Variants in AACS observed in about 807,000 individuals in gnomAD.
The protein encoded by AACS is acetoacetate-CoA ligase.
In AACS, 69 loss-of-function variants were observed where a neutral mutation model predicts 83.1. The observed-to-expected ratio is 0.83, with a 90% confidence interval of 0.68 to 1.01. The LOEUF (loss-of-function observed/expected upper bound fraction) is 1.01, where lower values mean the gene tolerates loss of function less well. Ranked by LOEUF, AACS falls within the 50% of genes least tolerant of loss-of-function variation. The pLI, the probability that AACS is intolerant of heterozygous loss-of-function variation, is 0.00. For synonymous variants in AACS, 333 were observed against 343.4 expected (o/e 0.97, Z 0.33); for missense variants, 866 against 882.2 (o/e 0.98, Z 0.23).
intron 14 of AACS, among the ~76,000 whole-genome samples, chr12:125,131,875 G>A (rs1290568589): frequency 6.6e-6 from 1 of 152,246 alleles, no homozygotes; most frequent in African/African-American, 2.4e-5. Flanking sequence ...GGGATTACAG[G>A]CGTGAGCCAC....
At chr12:125,066,829 G>A (rs752890722) in intron 1 of AACS, among the ~76,000 whole-genome samples, 4 of 151,986 alleles carry the variant, frequency 2.6e-5, no homozygotes, top group East Asian at 1.9e-4. Flanking sequence ...TGTTGGTGGC[G>A]TCACTGTTCT....
At chr12:125,108,545 A>G (rs12310211) in intron 8 of AACS, among the ~76,000 whole-genome samples, 3,200 of 152,328 alleles carry the variant, frequency 0.021, 111 homozygotes, top group African/African-American at 0.072. Context: ...CCCATGACAC[A>G]TGCTTTTAAT....
rs778110338 is a variant in AACS, at chr12:125,091,661, A to G, written c.570+138A>G. The G allele has an allele frequency of 7.2e-5, 59 of 817,498 alleles. 1 individual carries two copies. The highest frequency in any genetic ancestry group is 2.7e-4 in the East Asian group (10 of 37,526). 50.6% of individuals were successfully genotyped at this position (817,498 alleles called of 1,614,324 possible). On this transcript the variant is annotated intron_variant, in intron 5 of 17. Coordinates refer to ENST00000316519, the MANE Select transcript of AACS (RefSeq NM_023928.5). ...AGGAGGTGGCGTTGCAGCTGCCTCT[A>G]TGGGGAAAGAAGCCAGAAGGACTTG...
At chr12:125,098,768 C>T (rs984426909) in intron 5 of AACS, among the ~76,000 whole-genome samples, 1 of 152,216 alleles carries the variant, frequency 6.6e-6, no homozygotes, top group Admixed American at 6.5e-5. Context: ...CCTTTTCAAA[C>T]TGTATTGCTG....
rs554060904 is a variant in AACS, at chr12:125,136,555, G to T, written c.1679-107G>T. The T allele has an allele frequency of 1.3e-3, 1,081 of 862,768 alleles. 10 individuals are homozygous for T. Among genetic ancestry groups the T allele is most frequent in the Middle Eastern group, 4.9e-3 (14 of 2,832 alleles). 53.4% of individuals were successfully genotyped at this position (862,768 alleles called of 1,614,324 possible). On this transcript the variant is annotated intron_variant, in intron 16 of 17. Transcript: ENST00000316519. Reference sequence around the variant, plus strand: ...GGGAGAACACAGGCACCGCTGGAAGGCTTGGGGGACCCAGCCTGCCCCTCC... The same window carrying T: ...GGGAGAACACAGGCACCGCTGGAAGTCTTGGGGGACCCAGCCTGCCCCTCC...
chr12:125,077,074 AT>A (rs36067220), intron 3 of AACS, among the ~76,000 whole-genome samples: 47,805 of 121,198 alleles, frequency 0.39, 9,576 homozygotes, highest in Non-Finnish European at 0.48. Flanking sequence ...TGCATGGCTG[AT>A]TTTTTTTTTT....
chr12:125,118,439 T>A, intron 9 of AACS: 3 of 621,224 alleles, frequency 4.8e-6, no homozygotes, highest in Non-Finnish European at 2.7e-6. Context: ...CACATCTTCA[T>A]GCACATGTGT....
chr12:125,117,818 T>A (rs948016410), intron 9 of AACS: 2 of 151,940 alleles, frequency 1.3e-5, no homozygotes, highest in African/African-American at 4.8e-5. Flanking sequence ...AGACCTCATC[T>A]ACAAAAAATA....
At chr12:125,102,923 T>C (rs1956746312) in intron 6 of AACS, 77 bp from the exon 7 acceptor site, 2 of 1,477,216 alleles carry the variant, frequency 1.4e-6, no homozygotes, top group African/African-American at 2.8e-5. Context: ...GATTGTGTTA[T>C]ATTTTGTGGA....
rs1386630822 is a variant in AACS at position 125,128,293 on chromosome 12, GTTTC to G, written c.1423+25_1423+28del. 6.3e-7 allele frequency: 1 copy of G among 1,598,742 alleles called. No individual in the cohort carries two copies. Among genetic ancestry groups the G allele is most frequent in the Non-Finnish European group, 8.5e-7 (1 of 1,169,612 alleles). On this transcript the variant is annotated intron_variant, in intron 13 of 17. Coordinates refer to ENST00000316519, the MANE Select transcript of AACS (RefSeq NM_023928.5). ...GAGGAAGGTGATGGCTCCACCAACT[GTTTC>G]TTTCTGTGATTAGGCGTGAGTTGGG... is the stretch of plus-strand genomic sequence containing the variant.
chr12:125,125,159 A>G, intron 12 of AACS, 135 bp downstream of exon 12: 4 of 1,345,058 alleles, frequency 3.0e-6, no homozygotes, highest in African/African-American at 1.4e-5. Flanking sequence ...CCTTCTCATG[A>G]TCTGAGGCAG....
intron 17 of AACS, chr12:125,141,802 G>T (rs1957499754): frequency 2.9e-6 from 1 of 348,346 alleles, no homozygotes; most frequent in Admixed American, 4.3e-5. Flanking sequence ...CCGTGCCAGG[G>T]GGCGGGGGTG....
At chr12:125,088,931 G>A (rs1255977018) in intron 4 of AACS, among the ~76,000 whole-genome samples, 2 of 152,208 alleles carry the variant, frequency 1.3e-5, no homozygotes, top group Non-Finnish European at 2.9e-5. Context: ...TGATTAAAAT[G>A]GGGTTGGATG....
At chr12:125,092,846 C>T (rs11058035) in intron 5 of AACS, 4,142 of 152,562 alleles carry the variant, frequency 0.027, 169 homozygotes, top group African/African-American at 0.093. Flanking sequence ...CCGGACTGGA[C>T]ACTCAGACCC....
intron 14 of AACS, among the ~76,000 whole-genome samples, chr12:125,132,339 A>T (rs1159091624): frequency 6.6e-6 from 1 of 152,212 alleles, no homozygotes; most frequent in Admixed American, 6.5e-5. Flanking sequence ...AGTACTGCAG[A>T]TGGCCCAGAA....
chr12:125,081,278 A>G (rs114401000), intron 3 of AACS, among the ~76,000 whole-genome samples: 1,563 of 152,200 alleles, frequency 0.01, 24 homozygotes, highest in African/African-American at 0.036. Flanking sequence ...ACAGGCGTGA[A>G]CCACCACGCC....
chr12:125,134,821 G>A lies in AACS; in HGVS notation c.1647G>A (p.Val549=). 1.2e-6 allele frequency: 2 copies of A among 1,614,158 alleles called. No homozygotes were observed. The highest frequency in any genetic ancestry group is 1.7e-6 in the Non-Finnish European group (2 of 1,180,022). Residue 549 remains valine, a synonymous_variant, in exon 16 of 18, where the codon GTG becomes GTA. Transcript: ENST00000316519. ...ACGGCACCCTCAACCCCAACGGGGTGCGGTTCGGCAGCTCGGAAATCTATA... is the reference window on the plus strand; with the variant it reads ...ACGGCACCCTCAACCCCAACGGGGTACGGTTCGGCAGCTCGGAAATCTATA... The part of the protein sequence containing the change: ...RSDGTLNPNG[V]RFGSSEIYNI...
Position 125,065,681 on chromosome 12 carries a change from CG to C in AACS, c.100del (p.Ala34ArgfsTer94). 1 of 1,544,892 alleles carries C rather than the reference CG, an allele frequency of 6.5e-7. No homozygotes were observed. Among genetic ancestry groups the C allele is most frequent in the Middle Eastern group, 1.9e-4 (1 of 5,310 alleles). On this transcript the variant is annotated frameshift_variant, in exon 1 of 18. Transcript: ENST00000316519. LOFTEE classifies it high-confidence loss of function. ...SKKNTQMDRF[R>X]AAVGAACGLA... ...GAAGAACACGCAGATGGACCGCTTCCGGGCGGCTGTGGGCGCCGCCTGCGGC... is the reference window on the plus strand; with the variant it reads ...GAAGAACACGCAGATGGACCGCTTCCGGCGGCTGTGGGCGCCGCCTGCGGC...
At chr12:125,133,116 G>A (rs908287859) in intron 14 of AACS, among the ~76,000 whole-genome samples, 4 of 152,232 alleles carry the variant, frequency 2.6e-5, no homozygotes, top group Non-Finnish European at 4.4e-5. Context: ...GCAGAGATGC[G>A]CTTTTGATTA....
Sources: allele counts gnomAD v4.1 joint callset (sites outside exome capture counted in the v4.1 genomes callset), GRCh38; gene constraint gnomAD v4.1.1; transcripts MANE v1.5; gene names NCBI Gene and HGNC (gene_info 2026-07-23, HGNC 2026-07-21).